The following CRBN variants were observed in gnomAD, a reference collection of about 807,000 sequenced individuals.
CRBN encodes the protein protein cereblon.
In CRBN, 53 loss-of-function variants were observed where a neutral mutation model predicts 62.2. That is an observed-to-expected ratio of 0.85 (90% CI 0.68 to 1.07). The LOEUF (loss-of-function observed/expected upper bound fraction) is 1.07. Ranked by LOEUF, CRBN falls within the 50% of genes least tolerant of loss-of-function variation. The probability of loss-of-function intolerance (pLI) is 0.00; values close to 1 mark genes in which losing one functional copy is unlikely to be tolerated. For missense variants in CRBN, 616 were observed against 531.1 expected, an observed-to-expected ratio of 1.16 and a Z score of -1.57; for synonymous variants, 208 against 176.1, an observed-to-expected ratio of 1.18 and a Z score of -1.43.
intron 3 of CRBN, among the ~76,000 whole-genome samples, chr3:3,173,342 G>A (rs1559256630): frequency 1.3e-5 from 2 of 152,188 alleles, no homozygotes; most frequent in Admixed American, 1.3e-4. Flanking sequence ...ATAGGCGTGA[G>A]CTACCATGCC....
At chr3:3,175,619 T>C (rs1707800423) in intron 1 of CRBN, among the ~76,000 whole-genome samples, 1 of 152,230 alleles carries the variant, frequency 6.6e-6, no homozygotes, top group South Asian at 2.1e-4. Flanking sequence ...TTACTCTAAC[T>C]AAGCTTCATA....
At chr3:3,151,138 A>G in intron 10 of CRBN, 93 bp from the exon 11 acceptor site, 3 of 1,295,212 alleles carry the variant, frequency 2.3e-6, no homozygotes, top group South Asian at 1.3e-5. Flanking sequence ...TTTAGAGGCA[A>G]ATTCTAAGGA....
At position 3,169,093 on chromosome 3, in the gene CRBN, C is replaced by G. The variant is rs115695566; in HGVS notation, c.528-1300G>C. Among the ~76,000 whole-genome samples the G allele has an allele frequency of 6.8e-3, 1,030 of 152,298 alleles. 5 individuals carry two copies. Among genetic ancestry groups the G allele is most frequent in the African/African-American group, 0.023 (962 of 41,562 alleles). On this transcript the variant is annotated intron_variant, in intron 4 of 10. Transcript: ENST00000231948. ...GAATTAAGAACTATGCTTTACCCAA[C>G]TATTGTATAAGATTTGATTATGATA...
At chr3:3,151,827 G>GTAAACAAA (rs1553558823) in intron 10 of CRBN, among the ~76,000 whole-genome samples, 2 of 147,590 alleles carry the variant, frequency 1.4e-5, no homozygotes, top group African/African-American at 5.1e-5. Context: ...TTAAGCTGAA[G>GTAAACAAA]CAAACAAACA....
chr3:3,160,727 G>A (rs914610202), intron 5 of CRBN, among the ~76,000 whole-genome samples: 3 of 152,218 alleles, frequency 2.0e-5, no homozygotes, highest in African/African-American at 7.2e-5. Context: ...TGACAAAAAA[G>A]CAGTGAGGGG....
At chr3:3,154,564 T>C (rs1706796499) in intron 7 of CRBN, 183 bp downstream of exon 7, 2 of 575,374 alleles carry the variant, frequency 3.5e-6, no homozygotes, top group African/African-American at 4.0e-5. Flanking sequence ...ATGAGGATTT[T>C]ATTGCAATTA....
intron 1 of CRBN, among the ~76,000 whole-genome samples, chr3:3,178,017 CAAAA>C (rs3840223): frequency 1.5e-5 from 2 of 133,468 alleles, no homozygotes. Context: ...ACAAAACAAA[CAAAA>C]AAAAAACAAA....
At position 3,154,066 on chromosome 3, in the gene CRBN, T is replaced by G; in HGVS notation, c.845A>C (p.Tyr282Ser). The change falls in exon 8 of 11, where the codon TAC (tyrosine) becomes TCC (serine). Residue 282 changes from tyrosine (Y) to serine (S), a missense_variant. Physicochemically the swap from Tyr to Ser is moderately radical, Grantham distance 144 (BLOSUM62 -2). Transcript: ENST00000231948. The part of the protein sequence containing the change: ...SLPSNPIDFS[Y>S]RVAACLPIDD... ...AATAGGAAGACAAGCAGCTACTCTG[T>G]AAGAAAAATCTTCAAGACATGGTTT... The G allele has an allele frequency of 6.2e-7, 1 of 1,607,632 alleles. No homozygotes were observed. The highest frequency in any genetic ancestry group is 8.5e-7 in the Non-Finnish European group (1 of 1,174,078).
At chr3:3,157,650 TA>T (rs1313836926) in intron 5 of CRBN, among the ~76,000 whole-genome samples, 2 of 151,992 alleles carry the variant, frequency 1.3e-5, no homozygotes, top group African/African-American at 4.8e-5. Context: ...ACAGCACACA[TA>T]AAAGGGACTC....
intron 2 of CRBN, 98 bp from the exon 3 acceptor site, chr3:3,174,359 G>T (rs547935513): frequency 4.0e-6 from 4 of 1,002,890 alleles, no homozygotes; most frequent in African/African-American, 3.2e-5. Flanking sequence ...AAGAAATACA[G>T]GCCGGGCACA....
At chr3:3,158,199 G>T (rs945445726) in intron 5 of CRBN, among the ~76,000 whole-genome samples, 1 of 152,174 alleles carries the variant, frequency 6.6e-6, no homozygotes, top group African/African-American at 2.4e-5. Flanking sequence ...TAAGGAGCAC[G>T]CAGTCTAGAT....
In CRBN at chr3:3,150,429, T is replaced by C. The variant is rs1706439108; in HGVS notation, c.*436A>G. ...AGGAACATGTACTTGTCACCCTAGC[T>C]TTTGTTATTTAGAGCACTGGTACAG... On this transcript the variant is annotated 3_prime_UTR_variant, in exon 11 of 11. Transcript: ENST00000231948. 1 of 158,410 alleles carries C rather than the reference T, an allele frequency of 6.3e-6. No individual in the cohort carries two copies. Among genetic ancestry groups the C allele is most frequent in the Admixed American group, 6.2e-5 (1 of 16,212 alleles). 9.8% of individuals were successfully genotyped at this position (158,410 alleles called of 1,614,324 possible).
At chr3:3,176,487 G>C (rs942418092) in intron 1 of CRBN, among the ~76,000 whole-genome samples, 8 of 152,206 alleles carry the variant, frequency 5.3e-5, no homozygotes, top group Admixed American at 3.3e-4. Flanking sequence ...TGTAATCCCA[G>C]CACTTTGGGA....
intron 5 of CRBN, among the ~76,000 whole-genome samples, chr3:3,160,867 G>C (rs1016601250): frequency 6.6e-6 from 1 of 152,168 alleles, no homozygotes; most frequent in Non-Finnish European, 1.5e-5. Context: ...TGTGACAATG[G>C]TGGCATCTCA....
chr3:3,161,983 T>C (rs1030039208), intron 5 of CRBN, among the ~76,000 whole-genome samples: 1 of 152,130 alleles, frequency 6.6e-6, no homozygotes, highest in Non-Finnish European at 1.5e-5. Context: ...ATAAGAACAT[T>C]TGTATCTAGA....
chr3:3,179,363 G>A (rs549084709), intron 1 of CRBN, among the ~76,000 whole-genome samples: 1 of 152,180 alleles, frequency 6.6e-6, no homozygotes, highest in African/African-American at 2.4e-5. Context: ...AGGATGGAGA[G>A]GATGGGTTTC....
At chr3:3,155,902 G>A in intron 6 of CRBN, 1 of 307,354 alleles carries the variant, frequency 3.3e-6, no homozygotes. Flanking sequence ...GACCTCCCAG[G>A]CTCAATCAAT....
At chr3:3,151,098 C>CTATCA in intron 10 of CRBN, 53 bp from the exon 11 acceptor site, 9 of 1,581,298 alleles carry the variant, frequency 5.7e-6, no homozygotes, top group Non-Finnish European at 6.9e-6. Context: ...TACTCCAAGC[C>CTATCA]TATCATATAA....
chr3:3,172,770 T>G lies in CRBN; in HGVS notation c.527+6A>C, dbSNP rs184107728. On this transcript the variant is annotated splice_donor_region_variant and intron_variant, in intron 4 of 10. Coordinates refer to ENST00000231948, the MANE Select transcript of CRBN (RefSeq NM_016302.4). ...AAAGAGCATTAAGGTATATGTTATT[T>G]CTTACCCATCTGACTGTGTTCTTAG... 1.2e-6 allele frequency: 2 copies of G among 1,612,892 alleles called. No individual in the cohort carries two copies. Among genetic ancestry groups the G allele is most frequent in the East Asian group, 4.5e-5 (2 of 44,836 alleles).
Sources: allele counts gnomAD v4.1 joint callset (sites outside exome capture counted in the v4.1 genomes callset), GRCh38; gene constraint gnomAD v4.1.1; transcripts MANE v1.5; gene names NCBI Gene and HGNC (gene_info 2026-07-23, HGNC 2026-07-21).